Variants in TENM3 observed in about 807,000 individuals in gnomAD.
The protein encoded by TENM3 is teneurin transmembrane protein 3.
A neutral mutation model predicts 255.1 loss-of-function variants in TENM3; 63 were observed. That is an observed-to-expected ratio of 0.25 (90% CI 0.20 to 0.30). The LOEUF (loss-of-function observed/expected upper bound fraction) is 0.30. TENM3 is among the 10% of genes least tolerant of loss of function. TENM3 has a pLI of 1.00. For synonymous variants in TENM3, 1,306 were observed against 1,322.3 expected (o/e 0.99, Z 0.27); for missense variants, 2,929 against 3,461.1 (o/e 0.85, Z 3.86).
the TENM3 span, among the ~76,000 whole-genome samples, chr4:181,993,846 C>T: frequency 1.3e-5 from 2 of 152,062 alleles, no homozygotes; most frequent in South Asian, 2.1e-4. Flanking sequence ...GAATGCTGCC[C>T]GTTGGTTCTC....
chr4:182,305,061 T>C (rs1289966745), intron 1 of TENM3, among the ~76,000 whole-genome samples: 1 of 152,168 alleles, frequency 6.6e-6, no homozygotes, highest in African/African-American at 2.4e-5. Flanking sequence ...TCCAGAAAGC[T>C]GAGCTTTGCT....
intron 3 of TENM3, among the ~76,000 whole-genome samples, chr4:182,419,876 G>A (rs1245288539): frequency 6.6e-6 from 1 of 150,952 alleles, no homozygotes; most frequent in Admixed American, 6.6e-5. Context: ...GTCGTGGGGT[G>A]GGGGAGGGGG....
At chr4:182,573,146 C>A (rs1222469895) in intron 3 of TENM3, among the ~76,000 whole-genome samples, 1 of 152,030 alleles carries the variant, frequency 6.6e-6, no homozygotes, top group South Asian at 2.1e-4. Flanking sequence ...AAGTGAGACT[C>A]GGGGATTTAA....
chr4:182,393,431 A>G (rs985204259), intron 3 of TENM3, among the ~76,000 whole-genome samples: 1 of 152,240 alleles, frequency 6.6e-6, no homozygotes, highest in Non-Finnish European at 1.5e-5. Context: ...ATAGAAAACT[A>G]GAAAATCAAA....
chr4:182,617,417 G>A (rs572433271), intron 4 of TENM3, among the ~76,000 whole-genome samples: 20 of 152,240 alleles, frequency 1.3e-4, no homozygotes, highest in Middle Eastern at 3.4e-3. Flanking sequence ...TAGCCTTCAT[G>A]TATTTCCAGG....
the TENM3 span, among the ~76,000 whole-genome samples, chr4:181,485,278 T>A: frequency 1.3e-5 from 2 of 152,276 alleles, no homozygotes; most frequent in African/African-American, 4.8e-5. Context: ...AGGACACTTT[T>A]AAACTGGATT....
At chr4:182,225,180 G>T (rs1236470051) in intron 1 of TENM3, among the ~76,000 whole-genome samples, 18 of 152,162 alleles carry the variant, frequency 1.2e-4, no homozygotes, top group Admixed American at 1.2e-3. Flanking sequence ...AAAGCCTGTA[G>T]CCCAATGCCT....
chr4:181,673,532 A>G, the TENM3 span, among the ~76,000 whole-genome samples: 1 of 152,160 alleles, frequency 6.6e-6, no homozygotes, highest in Admixed American at 6.6e-5. Context: ...TAATAACATG[A>G]TATCCAGAGC....
chr4:181,467,089 G>A, the TENM3 span, among the ~76,000 whole-genome samples: 146 of 64,200 alleles, frequency 2.3e-3, 1 homozygote, highest in Middle Eastern at 8.1e-3. Flanking sequence ...GTGTGCGTGT[G>A]TGTGTGTGTG....
At chr4:182,155,428 A>T (rs1206209350) in intron 1 of TENM3, among the ~76,000 whole-genome samples, 1 of 152,044 alleles carries the variant, frequency 6.6e-6, no homozygotes, top group Non-Finnish European at 1.5e-5. Context: ...CATCTTCTCA[A>T]ATATTTTATA....
chr4:182,235,835 A>G (rs1422146520), intron 1 of TENM3, among the ~76,000 whole-genome samples: 1 of 152,234 alleles, frequency 6.6e-6, no homozygotes, highest in African/African-American at 2.4e-5. Flanking sequence ...CATTTAGGAA[A>G]GAATTGTTGA....
the TENM3 span, among the ~76,000 whole-genome samples, chr4:181,809,202 ATATACT>A: frequency 4.6e-5 from 7 of 152,218 alleles, no homozygotes; most frequent in African/African-American, 7.2e-5. Context: ...GGAAACAAAC[ATATACT>A]TATAAGGAAA....
intron 3 of TENM3, among the ~76,000 whole-genome samples, chr4:182,445,151 T>C (rs1284241106): frequency 6.6e-6 from 1 of 152,166 alleles, no homozygotes; most frequent in Non-Finnish European, 1.5e-5. Flanking sequence ...TCTAAATATT[T>C]AGAGAAATGG....
At chr4:181,920,333 A>G in the TENM3 span, among the ~76,000 whole-genome samples, 1 of 151,864 alleles carries the variant, frequency 6.6e-6, no homozygotes, top group South Asian at 2.1e-4. Context: ...TGGTTGAACT[A>G]GTTTACAGTC....
chr4:182,114,493 C>T, the TENM3 span, among the ~76,000 whole-genome samples: 2 of 152,010 alleles, frequency 1.3e-5, no homozygotes, highest in African/African-American at 2.4e-5. Context: ...TCGCCACAAT[C>T]CATATTGCCA....
the TENM3 span, among the ~76,000 whole-genome samples, chr4:181,661,362 C>T: frequency 1.3e-5 from 2 of 152,092 alleles, no homozygotes; most frequent in Non-Finnish European, 2.9e-5. Context: ...CCGAAAATTG[C>T]CTTTTCACAT....
At chr4:182,234,638 A>G (rs1756783194) in intron 1 of TENM3, among the ~76,000 whole-genome samples, 1 of 152,162 alleles carries the variant, frequency 6.6e-6, no homozygotes, top group African/African-American at 2.4e-5. Context: ...AGGCTGAGGC[A>G]GGAGAATCAC....
chr4:181,538,760 T>G, the TENM3 span, among the ~76,000 whole-genome samples: 1 of 152,194 alleles, frequency 6.6e-6, no homozygotes, highest in Non-Finnish European at 1.5e-5. Flanking sequence ...GTTCGTTTTC[T>G]TCTTCCTTTT....
intron 3 of TENM3, among the ~76,000 whole-genome samples, chr4:182,450,926 C>T (rs1376498226): frequency 1.3e-5 from 2 of 152,116 alleles, no homozygotes; most frequent in Admixed American, 6.6e-5. Context: ...GATAGAAAGG[C>T]GCATTCCAAA....
Sources: gnomAD v4.1 joint callset for allele counts (sites outside exome capture counted in the v4.1 genomes callset) on GRCh38, gnomAD v4.1.1 for gene constraint, MANE v1.5 for transcripts, NCBI Gene and HGNC (gene_info 2026-07-23, HGNC 2026-07-21) for gene names.